POGZ: variants seen among roughly 807,000 people sequenced by gnomAD.
The protein encoded by POGZ is pogo transposable element derived with ZNF domain.
A neutral mutation model predicts 134.6 loss-of-function variants in POGZ; 17 were observed. The ratio of observed to expected loss-of-function variants is 0.13; its 90% confidence interval spans 0.09 to 0.19. The LOEUF (loss-of-function observed/expected upper bound fraction) is 0.19, where lower values mean the gene tolerates loss of function less well. Ranked by LOEUF, POGZ falls within the 10% of genes least tolerant of loss-of-function variation. POGZ has a pLI of 1.00. For synonymous variants in POGZ, 693 were observed against 657.1 expected (o/e 1.05, Z -0.84); for missense variants, 1,306 against 1,769.7 (o/e 0.74, Z 4.70).
intron 2 of POGZ, among the ~76,000 whole-genome samples, chr1:151,441,826 C>T (rs1329911481): frequency 6.6e-6 from 1 of 152,192 alleles, no homozygotes; most frequent in African/African-American, 2.4e-5. Flanking sequence ...AAGAAGACTG[C>T]TAGATATTTG....
At position 151,417,842 on chromosome 1, in the gene POGZ, T is replaced by C. The variant is rs186932845; in HGVS notation, c.1679-5446A>G. ...AAAAGGAAAAAAATCCCCCAAAATA[T>C]TAGCATGTAAAAATAAGCTACTTTT... On this transcript the variant is annotated intron_variant, in intron 10 of 18. Coordinates refer to ENST00000271715, the MANE Select transcript of POGZ (RefSeq NM_015100.4). Among the ~76,000 whole-genome samples the C allele has an allele frequency of 2.6e-5, 4 of 152,186 alleles. No individual in the cohort carries two copies. In the East Asian group the frequency reaches 7.7e-4, roughly 29 times the overall value.
chr1:151,406,541 T>A, intron 18 of POGZ, 66 bp downstream of exon 18: 2 of 1,536,834 alleles, frequency 1.3e-6, no homozygotes, highest in Non-Finnish European at 1.7e-6. Context: ...ATGATAATAA[T>A]AATAATAATA....
chr1:151,458,844 C>A (rs1184227034), intron 1 of POGZ, among the ~76,000 whole-genome samples: 2 of 145,302 alleles, frequency 1.4e-5, no homozygotes, highest in Non-Finnish European at 3.1e-5. Context: ...CGCCGGGGGG[C>A]GGGGGCGGCC....
intron 10 of POGZ, among the ~76,000 whole-genome samples, chr1:151,413,533 T>C (rs891406320): frequency 2.6e-5 from 4 of 152,104 alleles, no homozygotes; most frequent in African/African-American, 9.7e-5. Context: ...GTTTCAAGTT[T>C]TTGCAAATAT....
chr1:151,425,501 C>T (rs571175888), intron 7 of POGZ, among the ~76,000 whole-genome samples: 113 of 151,984 alleles, frequency 7.4e-4, no homozygotes, highest in African/African-American at 2.7e-3. Flanking sequence ...CAATAAAAAC[C>T]TCCTCACCAT....
In POGZ at chr1:151,427,885, A is replaced by C. The variant is rs760786117; in HGVS notation, c.1016T>G (p.Val339Gly). Residue 339 changes from valine (V) to glycine (G), a missense_variant, in exon 7 of 19, where the codon GTG becomes GGG. Transcript: ENST00000271715. ...SLGQSPGPVVVSNNSSAHGSQ... is the reference protein window; with the variant it reads ...SLGQSPGPVVGSNNSSAHGSQ... Reference sequence around the variant, plus strand: ...GCCATGAGCAGAGCTGTTGTTGGACACCACCACTGGCCCAGGACTCTGGCC... The same window carrying C: ...GCCATGAGCAGAGCTGTTGTTGGACCCCACCACTGGCCCAGGACTCTGGCC... 1 of 1,614,122 alleles carries C rather than the reference A, an allele frequency of 6.2e-7. No homozygotes were observed. Among genetic ancestry groups the C allele is most frequent in the Non-Finnish European group, 8.5e-7 (1 of 1,180,016 alleles).
chr1:151,447,231 C>CA (rs1305320750), intron 1 of POGZ, among the ~76,000 whole-genome samples: 2 of 151,852 alleles, frequency 1.3e-5, no homozygotes, highest in Non-Finnish European at 2.9e-5. Flanking sequence ...ACTAAAAATA[C>CA]AAAAATTAGC....
At position 151,406,132 on chromosome 1, in the gene POGZ, C is replaced by T. The variant is rs756872941; in HGVS notation, c.2903G>A (p.Gly968Asp). The T allele has an allele frequency of 6.2e-7, 1 of 1,614,168 alleles. No individual in the cohort carries two copies. The highest frequency in any genetic ancestry group is 1.1e-5 in the South Asian group (1 of 91,084). The change falls in exon 19 of 19, where the codon GGC becomes GAC. Residue 968 changes from glycine to aspartate, a missense_variant. Physicochemically the swap from Gly to Asp is moderately conservative, Grantham distance 94 (BLOSUM62 -1). Coordinates refer to ENST00000271715, the MANE Select transcript of POGZ (RefSeq NM_015100.4). ...CTTCACAGACAGCTGCTCCTTTTTGCCAACTCCACCACTACCACCACCACC... is the reference window on the plus strand; with the variant it reads ...CTTCACAGACAGCTGCTCCTTTTTGTCAACTCCACCACTACCACCACCACC... ...ASGGGGSGGV[G>D]KKEQLSVKKL... is the part of the protein sequence containing the mutation.
chr1:151,428,042 C>CTA lies in POGZ; in HGVS notation c.860-3_860-2dup. 6.2e-7 allele frequency: 1 copy of CTA among 1,614,078 alleles called. No homozygotes were observed. The highest frequency in any genetic ancestry group is 8.5e-7 in the Non-Finnish European group (1 of 1,179,920). ...GCAGGTGGAGAGGGGAAGGAGGGAG[C>CTA]TACGGTGACCAAGTGATAATCATCT... On this transcript the variant is annotated splice_acceptor_variant, in intron 6 of 18. Coordinates refer to ENST00000271715, the MANE Select transcript of POGZ (RefSeq NM_015100.4). LOFTEE classifies it high-confidence loss of function.
chr1:151,425,830 T>C (rs778454968), intron 7 of POGZ, among the ~76,000 whole-genome samples: 4 of 152,228 alleles, frequency 2.6e-5, no homozygotes, highest in Non-Finnish European at 5.9e-5. Flanking sequence ...GGTGTACAAA[T>C]ACCTGTTCTA....
intron 10 of POGZ, among the ~76,000 whole-genome samples, chr1:151,416,069 G>A (rs1179998543): frequency 6.6e-6 from 1 of 151,782 alleles, no homozygotes; most frequent in African/African-American, 2.4e-5. Flanking sequence ...TTAGCCGGGT[G>A]TGGTGGTGCA....
Sources: gnomAD v4.1 joint callset for allele counts (sites outside exome capture counted in the v4.1 genomes callset) on GRCh38, gnomAD v4.1.1 for gene constraint, MANE v1.5 for transcripts, NCBI Gene and HGNC (gene_info 2026-07-23, HGNC 2026-07-21) for gene names.